Variants in RELN observed in about 807,000 individuals in gnomAD.
RELN encodes the protein reelin.
In RELN, 108 loss-of-function variants were observed where a neutral mutation model predicts 427.6. That is an observed-to-expected ratio of 0.25 (90% CI 0.22 to 0.30). The LOEUF (loss-of-function observed/expected upper bound fraction) is 0.30. Ranked by LOEUF, RELN falls within the 10% of genes least tolerant of loss-of-function variation. RELN has a pLI of 1.00. For missense variants in RELN, 3,715 were observed against 4,302.8 expected (o/e 0.86, Z 3.82); for synonymous variants, 1,524 against 1,513.4 (o/e 1.01, Z -0.16).
At chr7:103,970,927 G>A (rs562959269) in intron 1 of RELN, among the ~76,000 whole-genome samples, 3 of 152,208 alleles carry the variant, frequency 2.0e-5, no homozygotes, top group East Asian at 1.9e-4. Context: ...AAGTTGAGGC[G>A]GGTGGATCAC....
intron 34 of RELN, 100 bp downstream of exon 34, chr7:103,565,178 C>T: frequency 2.1e-6 from 3 of 1,445,496 alleles, no homozygotes; most frequent in Non-Finnish European, 2.9e-6. Flanking sequence ...GCATAATTAT[C>T]ATGAAAGAAT....
intron 2 of RELN, among the ~76,000 whole-genome samples, chr7:103,866,479 T>C (rs1349162000): frequency 6.6e-6 from 1 of 152,126 alleles, no homozygotes; most frequent in African/African-American, 2.4e-5. Flanking sequence ...TGGTTAATTA[T>C]ATTTTCTGAA....
In RELN at chr7:103,603,275, C is replaced by G; in HGVS notation, c.3333+29G>C. 6.3e-7 allele frequency: 1 copy of G among 1,583,658 alleles called. No homozygotes were observed. The highest frequency in any genetic ancestry group is 8.7e-7 in the Non-Finnish European group (1 of 1,152,452). ...TCTCATATTAAACTAGCCATTGCCC[C>G]GATGACTTATCCCAGCTGTTGGTCA... On this transcript the variant is annotated intron_variant, in intron 24 of 64. Transcript: ENST00000428762. This position sits in a 1 kb window ranked among gnomAD's most constrained non-coding sequence, Gnocchi z 4.3.
At chr7:103,938,269 G>A (rs1369050269) in intron 1 of RELN, among the ~76,000 whole-genome samples, 1 of 151,874 alleles carries the variant, frequency 6.6e-6, no homozygotes, top group African/African-American at 2.4e-5. Flanking sequence ...GCAGTGAGCC[G>A]AGATTGCGCC....
chr7:103,575,337 G>A (rs951630891), intron 29 of RELN, among the ~76,000 whole-genome samples: 1 of 152,194 alleles, frequency 6.6e-6, no homozygotes, highest in African/African-American at 2.4e-5. Flanking sequence ...TTTAGGAAAT[G>A]AAATTTGTAT....
At chr7:103,600,033 A>T (rs182600411) in intron 24 of RELN, among the ~76,000 whole-genome samples, 37 of 150,328 alleles carry the variant, frequency 2.5e-4, no homozygotes, top group Non-Finnish European at 5.1e-4. Flanking sequence ...AGTAGTTTGG[A>T]GTACAGGCAT....
intron 22 of RELN, among the ~76,000 whole-genome samples, chr7:103,606,034 T>C (rs362638): frequency 0.03 from 4,641 of 152,238 alleles, 246 homozygotes; most frequent in African/African-American, 0.11. Flanking sequence ...CACTAAGAAA[T>C]GGTTTTTAGA....
chr7:103,568,178 T>A (rs941955835), intron 31 of RELN, among the ~76,000 whole-genome samples: 5 of 152,204 alleles, frequency 3.3e-5, no homozygotes, highest in Non-Finnish European at 1.5e-5. Flanking sequence ...AACTAGAACT[T>A]CTCAACCCTT....
rs1289216456 is a variant in RELN at position 103,955,283 on chromosome 7, C to A, written c.226+33848G>T. Among the ~76,000 whole-genome samples, 3 of 152,154 alleles carry A rather than the reference C, an allele frequency of 2.0e-5. No homozygotes were observed. The South Asian group carries it at 6.2e-4, about 32-fold the overall frequency. The stretch of plus-strand genomic sequence containing the variant: ...CAATGACATACAAAATGTTTCTCAG[C>A]TCAAAATCTCTTATGACCCTATGGC... On this transcript the variant is annotated intron_variant, in intron 1 of 64. Coordinates refer to ENST00000428762, the MANE Select transcript of RELN (RefSeq NM_005045.4).
At chr7:103,486,174 C>T (rs776772587) in intron 61 of RELN, 23 bp downstream of exon 61, 1 of 1,608,738 alleles carries the variant, frequency 6.2e-7, no homozygotes, top group Non-Finnish European at 8.5e-7. Context: ...TATGTCTGGA[C>T]TAAAATATGG....
intron 16 of RELN, among the ~76,000 whole-genome samples, chr7:103,646,404 T>C (rs1832798159): frequency 1.3e-5 from 2 of 150,678 alleles, no homozygotes; most frequent in African/African-American, 2.4e-5. Context: ...AGAGAGAATA[T>C]TCAAATAAGC....
At chr7:103,817,937 C>CAAAAAAAAAAAAAAAAAAAA (rs71154371) in intron 3 of RELN, among the ~76,000 whole-genome samples, 1 of 36,020 alleles carries the variant, frequency 2.8e-5, no homozygotes, top group Non-Finnish European at 4.4e-5. Flanking sequence ...GACTCCATCT[C>CAAAAAAAAAAAAAAAAAAAA]AAAAAAAAAA....
chr7:103,669,837 C>G (rs566338747), intron 11 of RELN, among the ~76,000 whole-genome samples: 1 of 152,018 alleles, frequency 6.6e-6, no homozygotes, highest in Non-Finnish European at 1.5e-5. Context: ...TATATTTATT[C>G]TTTTATGATT....
chr7:103,735,222 CTTGTTATT>C (rs1024677001), intron 6 of RELN, among the ~76,000 whole-genome samples: 9 of 152,116 alleles, frequency 5.9e-5, no homozygotes, highest in African/African-American at 2.2e-4. Flanking sequence ...AGATTGCAAG[CTTGTTATT>C]TTGTTATTAG....
intron 1 of RELN, among the ~76,000 whole-genome samples, chr7:103,918,932 A>G (rs1435922410): frequency 6.6e-6 from 1 of 152,178 alleles, no homozygotes; most frequent in African/African-American, 2.4e-5. Flanking sequence ...CAGATGCTGT[A>G]TGCTTACACG....
intron 3 of RELN, among the ~76,000 whole-genome samples, chr7:103,817,937 C>CAAAAAAAAAAAAAAAAAAA (rs71154371): frequency 5.6e-5 from 2 of 36,016 alleles, no homozygotes; most frequent in Non-Finnish European, 8.8e-5. Context: ...GACTCCATCT[C>CAAAAAAAAAAAAAAAAAAA]AAAAAAAAAA....
At chr7:103,697,782 G>T (rs1434879214) in intron 10 of RELN, 71 bp downstream of exon 10, 53 of 1,607,378 alleles carry the variant, frequency 3.3e-5, no homozygotes, top group Non-Finnish European at 4.4e-5. Flanking sequence ...ATACAATTTG[G>T]TTTATTGAGC....
chr7:103,654,235 G>T, intron 12 of RELN, 30 bp from the exon 13 acceptor site: 1 of 1,106,762 alleles, frequency 9.0e-7, no homozygotes, highest in Non-Finnish European at 1.4e-6. Context: ...TAAGTTGCTA[G>T]TACCAACTAG....
At position 103,824,644 on chromosome 7, in the gene RELN, G is replaced by A. The variant is rs1399161027; in HGVS notation, c.473+8893C>T. Among the ~76,000 whole-genome samples, 1 of 149,512 alleles carries A rather than the reference G, an allele frequency of 6.7e-6. No homozygotes were observed. Among genetic ancestry groups the A allele is most frequent in the Non-Finnish European group, 1.5e-5 (1 of 66,898 alleles). ...CAAAACAGAGTGTGTGTGTGTGTGTGTGTGTGTGTGTGTGTGTGTGTGTGT... is the reference window on the plus strand; with the variant it reads ...CAAAACAGAGTGTGTGTGTGTGTGTATGTGTGTGTGTGTGTGTGTGTGTGT... On this transcript the variant is annotated intron_variant, in intron 3 of 64. Transcript: ENST00000428762. This position sits in a 1 kb window ranked among gnomAD's most constrained non-coding sequence, Gnocchi z 4.4.
Sources: gnomAD v4.1 joint callset for allele counts (sites outside exome capture counted in the v4.1 genomes callset) on GRCh38, gnomAD v4.1.1 for gene constraint, Gnocchi (gnomAD v3.1) non-coding constraint, MANE v1.5 for transcripts, NCBI Gene and HGNC (gene_info 2026-07-23, HGNC 2026-07-21) for gene names.